Variants in PRPF6 observed in about 807,000 individuals in gnomAD.
PRPF6 encodes pre-mRNA processing factor 6.
In PRPF6, 42 loss-of-function variants were observed where a neutral mutation model predicts 118.3. That is an observed-to-expected ratio of 0.35 (90% CI 0.28 to 0.46). The LOEUF is 0.46. Ranked by LOEUF, PRPF6 falls within the 20% of genes least tolerant of loss-of-function variation. PRPF6 has a pLI of 1.00. For missense variants in PRPF6, 662 were observed against 1,255.7 expected (o/e 0.53, Z 7.15); for synonymous variants, 481 against 485.1 (o/e 0.99, Z 0.11).
chr20:63,991,351 A>G lies in PRPF6; in HGVS notation c.360-2056A>G, dbSNP rs1472839582. Among the ~76,000 whole-genome samples, 7 of 151,898 alleles carry G rather than the reference A, an allele frequency of 4.6e-5. No homozygotes were observed. In the East Asian group the frequency reaches 1.4e-3, roughly 30 times the overall value. ...GCAGGAGCATCGCTTGAGCCTAGGA[A>G]TTAGAGGCTACAGTGAGCTATGCTT... On this transcript the variant is annotated intron_variant, in intron 3 of 20. Coordinates refer to ENST00000266079, the MANE Select transcript of PRPF6 (RefSeq NM_012469.4).
Position 64,033,042 on chromosome 20 carries a change from G to A in PRPF6, c.*49G>A, listed in dbSNP as rs1320047934. On this transcript the variant is annotated 3_prime_UTR_variant, in exon 21 of 21. Coordinates refer to ENST00000266079, the MANE Select transcript of PRPF6 (RefSeq NM_012469.4). ...TCCGTGGGGCAGGGTTGGGCCGCAT[G>A]TGGAAGGGCTCTGAGCTGTGTCCTC... The A allele has an allele frequency of 1.2e-6, 2 of 1,611,214 alleles. No individual in the cohort carries two copies. The highest frequency in any genetic ancestry group is 1.7e-6 in the Non-Finnish European group (2 of 1,179,488).
At chr20:64,003,349 C>T (rs529346747) in intron 9 of PRPF6, among the ~76,000 whole-genome samples, 3 of 152,294 alleles carry the variant, frequency 2.0e-5, no homozygotes, top group South Asian at 4.1e-4. Flanking sequence ...TGTCTTTAAG[C>T]GAAATATCCC....
intron 12 of PRPF6, among the ~76,000 whole-genome samples, chr20:64,019,083 T>C (rs1275356273): frequency 2.7e-5 from 4 of 150,422 alleles, no homozygotes; most frequent in Admixed American, 6.7e-5. Flanking sequence ...GTAATAGTTT[T>C]TGTTGTTGGT....
At chr20:63,999,798 G>T in intron 8 of PRPF6, 39 bp downstream of exon 8, 1 of 1,610,668 alleles carries the variant, frequency 6.2e-7, no homozygotes, top group South Asian at 1.1e-5. Flanking sequence ...GGGAGGCTGC[G>T]TGATTGTGGC....
chr20:64,020,352 G>T (rs1458009820), intron 12 of PRPF6, among the ~76,000 whole-genome samples: 4 of 152,168 alleles, frequency 2.6e-5, no homozygotes, highest in Non-Finnish European at 5.9e-5. Flanking sequence ...GGAGGTGGAG[G>T]TTTCAGGGAG....
chr20:64,031,870 C>G (rs759665331), intron 19 of PRPF6, 48 bp from the exon 20 acceptor site: 22 of 1,613,424 alleles, frequency 1.4e-5, no homozygotes, highest in Non-Finnish European at 1.9e-5. Flanking sequence ...CCCCAGAATA[C>G]CGTCCTGCAG....
rs756428261 is a variant in PRPF6, at chr20:64,026,095, G to A, written c.2028+37G>A. On this transcript the variant is annotated intron_variant, in intron 15 of 20. Transcript: ENST00000266079. The surrounding 1 kb of genome is among the most constrained non-coding windows in gnomAD (Gnocchi z 4.4). The stretch of plus-strand genomic sequence containing the variant: ...CAGGCAGGGCTGGGCCGTCTGGGGT[G>A]CATGGTGTGCACATGCGGGCCCCAC... 40 of 1,597,582 alleles carry A rather than the reference G, an allele frequency of 2.5e-5. No homozygotes were observed. In the South Asian group the frequency reaches 4.0e-4, roughly 16 times the overall value.
intron 11 of PRPF6, among the ~76,000 whole-genome samples, chr20:64,015,316 G>A (rs1197472694): frequency 6.6e-6 from 1 of 152,200 alleles, no homozygotes; most frequent in Non-Finnish European, 1.5e-5. Flanking sequence ...GGCCCCTGAG[G>A]GTCTGGGTGC....
chr20:63,998,837 A>G lies in PRPF6; in HGVS notation c.772-208A>G, dbSNP rs978272314. 1.2e-3 allele frequency among the ~76,000 whole-genome samples: 175 copies of G among 145,974 alleles called. 1 individual carries two copies. The highest frequency in any genetic ancestry group is 4.0e-3 in the African/African-American group (164 of 40,906). ...AGCCTGGGCGACAGAGCGAGACTCCATCTCAAAAAAAAAAAAAAAATAGAT... is the reference window on the plus strand; with the variant it reads ...AGCCTGGGCGACAGAGCGAGACTCCGTCTCAAAAAAAAAAAAAAAATAGAT... On this transcript the variant is annotated intron_variant, in intron 6 of 20. Coordinates refer to ENST00000266079, the MANE Select transcript of PRPF6 (RefSeq NM_012469.4).
At chr20:63,994,769 A>T in intron 4 of PRPF6, 147 bp from the exon 5 acceptor site, 3 of 1,070,608 alleles carry the variant, frequency 2.8e-6, no homozygotes, top group South Asian at 3.0e-5. Context: ...GACCCATCTC[A>T]AAACAAAAGT....
Position 64,032,919 on chromosome 20 carries a change from G to C in PRPF6, c.2752G>C (p.Asp918His), listed in dbSNP as rs765346207. The C allele has an allele frequency of 3.7e-6, 6 of 1,613,420 alleles. No individual in the cohort carries two copies. The Admixed American group carries it at 1.0e-4, about 27-fold the overall frequency. ...HGELWCAVSK[D>H]IANWQKKIGD... is the part of the protein sequence containing the mutation. Reference sequence around the variant, plus strand: ...GGAGCTGTGGTGCGCCGTGTCCAAGGACATCGCCAACTGGCAGAAGAAGAT... The same window carrying C: ...GGAGCTGTGGTGCGCCGTGTCCAAGCACATCGCCAACTGGCAGAAGAAGAT... Residue 918 changes from aspartate (D) to histidine (H), a missense_variant, in exon 21 of 21, where the codon GAC becomes CAC. Transcript: ENST00000266079.
chr20:63,982,017 AAGTG>A (rs1202411441), intron 1 of PRPF6, among the ~76,000 whole-genome samples: 1 of 152,098 alleles, frequency 6.6e-6, no homozygotes, highest in Non-Finnish European at 1.5e-5. Context: ...AGTTCAAAAA[AAGTG>A]AGGCAAGGAG....
chr20:64,005,443 G>A (rs1247125666), intron 9 of PRPF6, among the ~76,000 whole-genome samples: 2 of 152,172 alleles, frequency 1.3e-5, no homozygotes, highest in Non-Finnish European at 2.9e-5. Context: ...GAGCGCACAG[G>A]AAAAACAACT....
rs1032879845 is a variant in PRPF6, at chr20:64,029,651, C to T, written c.2546+160C>T. On this transcript the variant is annotated intron_variant, in intron 19 of 20. Transcript: ENST00000266079. This position sits in a 1 kb window ranked among gnomAD's most constrained non-coding sequence, Gnocchi z 4.8. ...CGCTCCTGCTGTGGTCTGGGGCAGG[C>T]GCCTCTCCTGGCAGACACACCTGAG... Among the ~76,000 whole-genome samples, 2 of 152,258 alleles carry T rather than the reference C, an allele frequency of 1.3e-5. No individual in the cohort carries two copies. Among genetic ancestry groups the T allele is most frequent in the South Asian group, 2.1e-4 (1 of 4,832 alleles).
Position 64,011,535 on chromosome 20 carries a change from T to C in PRPF6, c.1524+32T>C, listed in dbSNP as rs1247340185. Reference sequence around the variant, plus strand: ...CGCAGGCGGGTGTCGTGGTGTCTGCTTTAACAGTGCACATGCAGCACGTGA... The same window carrying C: ...CGCAGGCGGGTGTCGTGGTGTCTGCCTTAACAGTGCACATGCAGCACGTGA... On this transcript the variant is annotated intron_variant, in intron 11 of 20. Transcript: ENST00000266079. The surrounding 1 kb of genome is among the most constrained non-coding windows in gnomAD (Gnocchi z 6.7). 3.8e-6 allele frequency: 6 copies of C among 1,591,738 alleles called. No individual in the cohort carries two copies. Among genetic ancestry groups the C allele is most frequent in the Admixed American group, 1.8e-5 (1 of 56,796 alleles).
chr20:63,986,790 A>C (rs2059096065), intron 3 of PRPF6, among the ~76,000 whole-genome samples: 1 of 151,810 alleles, frequency 6.6e-6, no homozygotes, highest in South Asian at 2.1e-4. Context: ...GCCCGGCCTA[A>C]TCATTTTAAT....
Position 64,026,170 on chromosome 20 carries a change from C to T in PRPF6, c.2028+112C>T. The T allele has an allele frequency of 6.5e-7, 1 of 1,528,160 alleles. No individual in the cohort carries two copies. Among genetic ancestry groups the T allele is most frequent in the Non-Finnish European group, 8.8e-7 (1 of 1,131,536 alleles). The allele number at this position is 1,528,160 out of a possible 1,614,324, so 94.7% of individuals were successfully genotyped here. On this transcript the variant is annotated intron_variant, in intron 15 of 20. Transcript: ENST00000266079. The surrounding 1 kb of genome is among the most constrained non-coding windows in gnomAD (Gnocchi z 4.4). ...TGAGATGACGGCAGGCAAACGAGAC[C>T]ACAGCACACTCATCTTTGTGATGTG...
chr20:63,985,172 T>C, intron 3 of PRPF6, 147 bp downstream of exon 3: 1 of 639,404 alleles, frequency 1.6e-6, no homozygotes, highest in Non-Finnish European at 2.8e-6. Flanking sequence ...GAGACCAGTG[T>C]GGGCAACGTA....
intron 12 of PRPF6, among the ~76,000 whole-genome samples, chr20:64,021,607 A>C (rs816928): frequency 9.0e-6 from 1 of 110,990 alleles, no homozygotes; most frequent in Non-Finnish European, 1.9e-5. Flanking sequence ...CCACAGCCCC[A>C]TGTCTGTGTG....
Sources: allele counts gnomAD v4.1 joint callset (sites outside exome capture counted in the v4.1 genomes callset), GRCh38; gene constraint gnomAD v4.1.1; non-coding constraint Gnocchi (gnomAD v3.1); transcripts MANE v1.5; gene names NCBI Gene and HGNC (gene_info 2026-07-23, HGNC 2026-07-21).